The following MYT1L variants were observed in gnomAD, a reference collection of about 807,000 sequenced individuals.
MYT1L encodes the protein myelin transcription factor 1 like.
A neutral mutation model predicts 126.7 loss-of-function variants in MYT1L; 12 were observed. That is an observed-to-expected ratio of 0.09 (90% CI 0.06 to 0.15). MYT1L has a LOEUF of 0.15. Among genes scored for constraint, MYT1L ranks in the 10% least tolerant of loss-of-function variants. The pLI is 1.00. For missense variants in MYT1L, 979 were observed against 1,585.2 expected (o/e 0.62, Z 6.49); for synonymous variants, 541 against 604.2 (o/e 0.90, Z 1.53).
At chr2:2,073,331 AAGG>A (rs1262049307) in intron 3 of MYT1L, among the ~76,000 whole-genome samples, 2 of 151,144 alleles carry the variant, frequency 1.3e-5, no homozygotes, top group Admixed American at 6.6e-5. Context: ...CTAGAAGAAG[AAGG>A]GCCACCTAAT....
chr2:1,999,202 A>G (rs1460576142), intron 4 of MYT1L, among the ~76,000 whole-genome samples: 1 of 152,220 alleles, frequency 6.6e-6, no homozygotes, highest in African/African-American at 2.4e-5. Context: ...ATATCACTGG[A>G]TACCAATTTA....
rs1012256348 is a variant in MYT1L at position 2,083,908 on chromosome 2, C to T, written c.-303-29785G>A. On this transcript the variant is annotated intron_variant, in intron 3 of 24. Coordinates refer to ENST00000647738, the MANE Select transcript of MYT1L (RefSeq NM_001303052.2). ...GCCCATGTGCTGATGACTTTCTATA[C>T]TCATTTTAGTGTAGACCGAGAAGGC... 5.4e-5 allele frequency among the ~76,000 whole-genome samples: 8 copies of T among 147,144 alleles called. No homozygotes were observed. In the East Asian group the frequency reaches 1.0e-3, roughly 19 times the overall value.
At chr2:2,052,390 G>A (rs1025642460) in intron 4 of MYT1L, among the ~76,000 whole-genome samples, 3 of 152,130 alleles carry the variant, frequency 2.0e-5, no homozygotes, top group African/African-American at 7.2e-5. Flanking sequence ...ATGATTGATT[G>A]GATATGATAC....
At chr2:2,073,902 T>G (rs986499274) in intron 3 of MYT1L, among the ~76,000 whole-genome samples, 1 of 152,154 alleles carries the variant, frequency 6.6e-6, no homozygotes, top group African/African-American at 2.4e-5. Flanking sequence ...GCTCTTGCTT[T>G]TCTCCACCCT....
chr2:1,850,220 CTT>C lies in MYT1L; in HGVS notation c.2774+1419_2774+1420del, dbSNP rs1572856864. ...CCTTCCTTCCTTCCTTCCTTCCTTCCTTCCTTCCTTCCTTCCTTCCTTCCTTC... is the reference window on the plus strand; with the variant it reads ...CCTTCCTTCCTTCCTTCCTTCCTTCCCCTTCCTTCCTTCCTTCCTTCCTTC... On this transcript the variant is annotated intron_variant, in intron 19 of 24. Coordinates refer to ENST00000647738, the MANE Select transcript of MYT1L (RefSeq NM_001303052.2). Among the ~76,000 whole-genome samples, 3 of 110,866 alleles carry C rather than the reference CTT, an allele frequency of 2.7e-5. No homozygotes were observed. The East Asian group carries it at 8.1e-4, about 30-fold the overall frequency. 72.7% of individuals were successfully genotyped at this position (110,866 alleles called of 152,430 possible). A position where few individuals can be genotyped will look rare whatever the true frequency, so the allele number is the denominator to read the frequency against.
intron 2 of MYT1L, among the ~76,000 whole-genome samples, chr2:2,176,464 T>C (rs955033111): frequency 6.6e-6 from 1 of 152,078 alleles, no homozygotes; most frequent in Non-Finnish European, 1.5e-5. Flanking sequence ...GTTTTTGCCG[T>C]AGATCACCTG....
At chr2:2,175,412 T>G (rs1453617219) in intron 2 of MYT1L, among the ~76,000 whole-genome samples, 1 of 152,122 alleles carries the variant, frequency 6.6e-6, no homozygotes, top group African/African-American at 2.4e-5. Flanking sequence ...GAATCACACC[T>G]GTAGGATTAG....
chr2:2,069,171 C>T (rs914218114), intron 3 of MYT1L, among the ~76,000 whole-genome samples: 3 of 152,046 alleles, frequency 2.0e-5, no homozygotes, highest in African/African-American at 7.3e-5. Flanking sequence ...TTGCTACACC[C>T]GTCAACTCGT....
At chr2:2,122,757 CA>C (rs1214826611) in intron 3 of MYT1L, among the ~76,000 whole-genome samples, 1 of 151,970 alleles carries the variant, frequency 6.6e-6, no homozygotes, top group Non-Finnish European at 1.5e-5. Flanking sequence ...TGTCCTTCCG[CA>C]TCAGTGGAGG....
chr2:2,108,093 CAGG>C (rs2078968799), intron 3 of MYT1L, among the ~76,000 whole-genome samples: 1 of 152,014 alleles, frequency 6.6e-6, no homozygotes, highest in Admixed American at 6.6e-5. Flanking sequence ...CCAGACAAAC[CAGG>C]AGGAGATGGG....
chr2:1,801,806 T>A lies in MYT1L; in HGVS notation c.3173-7A>T. On this transcript the variant is annotated splice_region_variant and splice_polypyrimidine_tract_variant and intron_variant, in intron 22 of 24. Transcript: ENST00000647738. This position sits in a 1 kb window ranked among gnomAD's most constrained non-coding sequence, Gnocchi z 4.2. ...TCTTCATCATTTTCTATACCTGTAATAATGAATATTAGTATGTTAAAACTG... is the reference window on the plus strand; with the variant it reads ...TCTTCATCATTTTCTATACCTGTAAAAATGAATATTAGTATGTTAAAACTG... The A allele has an allele frequency of 1.3e-6, 2 of 1,522,442 alleles. No individual in the cohort carries two copies. The highest frequency in any genetic ancestry group is 1.8e-6 in the Non-Finnish European group (2 of 1,101,466). The allele number at this position is 1,522,442 out of a possible 1,614,324, so 94.3% of individuals were successfully genotyped here.
At chr2:2,150,645 G>T (rs1371228250) in intron 3 of MYT1L, among the ~76,000 whole-genome samples, 2 of 152,112 alleles carry the variant, frequency 1.3e-5, no homozygotes, top group African/African-American at 4.8e-5. Flanking sequence ...AACCTAAAAG[G>T]ATCATCTACT....
chr2:2,185,829 C>A (rs2092087222), intron 2 of MYT1L, among the ~76,000 whole-genome samples: 1 of 134,940 alleles, frequency 7.4e-6, no homozygotes, highest in Non-Finnish European at 1.6e-5. Context: ...GTCCCGCGTT[C>A]CTTCTGTGAG....
chr2:1,992,756 T>A (rs1005458115), intron 5 of MYT1L, among the ~76,000 whole-genome samples: 70 of 152,312 alleles, frequency 4.6e-4, no homozygotes, highest in African/African-American at 1.6e-3. Flanking sequence ...AAAGCAGACC[T>A]CCTTCTTGCC....
At chr2:2,031,457 C>CG (rs2066240799) in intron 4 of MYT1L, among the ~76,000 whole-genome samples, 2 of 147,584 alleles carry the variant, frequency 1.4e-5, no homozygotes, top group Non-Finnish European at 3.0e-5. Flanking sequence ...ATACACACCC[C>CG]TCGCCAGTGC....
chr2:2,000,692 T>C (rs2062280657), intron 4 of MYT1L, among the ~76,000 whole-genome samples: 2 of 152,202 alleles, frequency 1.3e-5, no homozygotes, highest in Non-Finnish European at 2.9e-5. Context: ...ACCATTCTCT[T>C]TTGGATTTCT....
In MYT1L at chr2:1,801,493, G is replaced by C; in HGVS notation, c.3276+203C>G. 2.0e-6 allele frequency: 1 copy of C among 491,370 alleles called. No individual in the cohort carries two copies. The allele number at this position is 491,370 out of a possible 1,614,324, so 30.4% of individuals were successfully genotyped here. ...ACAAACACACATGCAGACTGAAAAC[G>C]AGAGAACCACGGCCCCTGCTACAGC... On this transcript the variant is annotated intron_variant, in intron 23 of 24. Coordinates refer to ENST00000647738, the MANE Select transcript of MYT1L (RefSeq NM_001303052.2). The surrounding 1 kb of genome is among the most constrained non-coding windows in gnomAD (Gnocchi z 4.2).
At chr2:2,139,105 G>A (rs894798027) in intron 3 of MYT1L, among the ~76,000 whole-genome samples, 4 of 151,832 alleles carry the variant, frequency 2.6e-5, no homozygotes, top group African/African-American at 4.8e-5. Context: ...CCAGCATCTG[G>A]TCTACCAAGA....
chr2:2,107,270 G>A (rs7584603), intron 3 of MYT1L, among the ~76,000 whole-genome samples: 3,713 of 152,270 alleles, frequency 0.024, 132 homozygotes, highest in African/African-American at 0.084. Flanking sequence ...CTCTGTGCTC[G>A]GGCAGGATTC....
Sources: gnomAD v4.1 joint callset for allele counts (sites outside exome capture counted in the v4.1 genomes callset) on GRCh38, gnomAD v4.1.1 for gene constraint, Gnocchi (gnomAD v3.1) non-coding constraint, MANE v1.5 for transcripts, NCBI Gene and HGNC (gene_info 2026-07-23, HGNC 2026-07-21) for gene names.